The following DPP4 variants were observed in gnomAD, a reference collection of about 807,000 sequenced individuals.
DPP4 encodes the protein dipeptidyl peptidase 4, also known as ADCP-2.
A neutral mutation model predicts 122.4 loss-of-function variants in DPP4; 93 were observed. The observed-to-expected ratio is 0.76, with a 90% CI of 0.64 to 0.90. The LOEUF (loss-of-function observed/expected upper bound fraction) is 0.90, where lower values mean the gene tolerates loss of function less well. DPP4 is among the 40% of genes least tolerant of loss of function. DPP4 has a pLI of 0.00. For synonymous variants in DPP4, 321 were observed against 302.9 expected, an observed-to-expected ratio of 1.06 and a Z score of -0.62; for missense variants, 914 against 907.3, an observed-to-expected ratio of 1.01 and a Z score of -0.09.
At chr2:162,023,352 A>T (rs982120112) in intron 11 of DPP4, among the ~76,000 whole-genome samples, 3 of 152,130 alleles carry the variant, frequency 2.0e-5, no homozygotes, top group African/African-American at 7.2e-5. Flanking sequence ...GGCCTGTCCC[A>T]TTGTGATAGT....
Position 161,992,368 on chromosome 2 carries a change from T to A in DPP4, c.*915A>T, listed in dbSNP as rs1700885953. 1 of 152,524 alleles carries A rather than the reference T, an allele frequency of 6.6e-6. No homozygotes were observed. The allele number at this position is 152,524 out of a possible 1,614,324, so 9.4% of individuals were successfully genotyped here. On this transcript the variant is annotated 3_prime_UTR_variant, in exon 26 of 26. Coordinates refer to ENST00000360534, the MANE Select transcript of DPP4 (RefSeq NM_001935.4). ...TTTTTTAAAATGAGTCCAAGGAAGT[T>A]AAAATATTCTTTTAATTAAGACACT... is the stretch of plus-strand genomic sequence containing the variant.
At chr2:162,062,268 C>T (rs1257856827) in intron 2 of DPP4, among the ~76,000 whole-genome samples, 3 of 152,100 alleles carry the variant, frequency 2.0e-5, no homozygotes, top group Non-Finnish European at 4.4e-5. Flanking sequence ...AGCGACAGAG[C>T]AAGACTCCAT....
In DPP4 at chr2:162,011,858, C is replaced by T. The variant is rs558709294; in HGVS notation, c.1767G>A (p.Lys589=). ...GTCTTCTGTTGATTGCATGCATGAT[C>T]TTATCTCCTTGGTAACCACTTCCTC... ...DGRGSGYQGD[K]IMHAINRRLG... is the part of the protein sequence containing the mutation. The change falls in exon 20 of 26, where the codon AAG becomes AAA. Residue 589 remains lysine (K), a synonymous_variant. Transcript: ENST00000360534. 6.2e-7 allele frequency: 1 copy of T among 1,613,688 alleles called. No homozygotes were observed. The highest frequency in any genetic ancestry group is 1.3e-5 in the African/African-American group (1 of 75,002).
chr2:161,995,354 T>C lies in DPP4; in HGVS notation c.2071A>G (p.Arg691Gly). ...TCAACTTGTTTAAAATTTTCAGCTC[T>C]GCTCATGACTGTTGAATTCTGGAAT... is the stretch of plus-strand genomic sequence containing the variant. ...DHYRNSTVMSRAENFKQVEYL... is the reference protein window; with the variant it reads ...DHYRNSTVMSGAENFKQVEYL... Residue 691 changes from arginine to glycine, a missense_variant, in exon 24 of 26, where the codon AGA becomes GGA. Coordinates refer to ENST00000360534, the MANE Select transcript of DPP4 (RefSeq NM_001935.4). 6.2e-7 allele frequency: 1 copy of C among 1,613,926 alleles called. No homozygotes were observed. The highest frequency in any genetic ancestry group is 8.5e-7 in the Non-Finnish European group (1 of 1,179,812).
chr2:161,995,265 T>C, intron 24 of DPP4, 35 bp downstream of exon 24: 1 of 1,585,712 alleles, frequency 6.3e-7, no homozygotes, highest in Non-Finnish European at 8.7e-7. Flanking sequence ...CAAACCTGTC[T>C]GTGATACTAA....
intron 5 of DPP4, 57 bp downstream of exon 5, chr2:162,045,475 T>C (rs1028434712): frequency 9.8e-6 from 13 of 1,324,466 alleles, no homozygotes; most frequent in Non-Finnish European, 1.2e-5. Context: ...AAATCGGTTA[T>C]AACATAGCAT....
intron 16 of DPP4, chr2:162,017,598 C>G (rs1479292755): frequency 6.3e-6 from 1 of 159,056 alleles, no homozygotes; most frequent in African/African-American, 2.4e-5. Flanking sequence ...CCCCGCTGCC[C>G]CCACTCCCAT....
At chr2:162,028,869 C>G (rs1008772151) in intron 10 of DPP4, among the ~76,000 whole-genome samples, 1 of 152,190 alleles carries the variant, frequency 6.6e-6, no homozygotes, top group African/African-American at 2.4e-5. Flanking sequence ...TGCCCACTAT[C>G]GCCCAACTGG....
intron 2 of DPP4, among the ~76,000 whole-genome samples, chr2:162,063,550 G>A (rs901926368): frequency 3.3e-5 from 5 of 151,978 alleles, no homozygotes; most frequent in Admixed American, 1.3e-4. Flanking sequence ...AACCAGGAGA[G>A]AGTGAGAGCC....
chr2:162,026,090 G>A (rs1169792527), intron 10 of DPP4, among the ~76,000 whole-genome samples: 1 of 152,122 alleles, frequency 6.6e-6, no homozygotes, highest in African/African-American at 2.4e-5. Flanking sequence ...CATACTGAAG[G>A]ACCATAGCTT....
chr2:162,046,598 G>A, intron 4 of DPP4: 1 of 449,494 alleles, frequency 2.2e-6, no homozygotes. Flanking sequence ...AGTCAAGCCA[G>A]AGAGGAGGGC....
intron 5 of DPP4, among the ~76,000 whole-genome samples, chr2:162,042,174 A>C (rs920855977): frequency 6.6e-6 from 1 of 152,212 alleles, no homozygotes; most frequent in African/African-American, 2.4e-5. Flanking sequence ...AACATGAAGC[A>C]AGTTTCTTTC....
At chr2:162,017,083 T>C (rs1348721916) in intron 17 of DPP4, 25 bp downstream of exon 17, 3 of 1,605,740 alleles carry the variant, frequency 1.9e-6, no homozygotes. Flanking sequence ...TAGAAACAAA[T>C]GAAGAGTAAA....
rs1451977206 is a variant in DPP4, at chr2:162,001,066, C to T, written c.2052+4679G>A. On this transcript the variant is annotated intron_variant, in intron 23 of 25. Transcript: ENST00000360534. ...ACCTATTGAGAGCATCATGCTCGTC[C>T]TCCCCATCTTCCGAAATCTTTCTCT... Among the ~76,000 whole-genome samples, 3 of 152,194 alleles carry T rather than the reference C, an allele frequency of 2.0e-5. No homozygotes were observed. In the East Asian group the frequency reaches 5.8e-4, roughly 29 times the overall value.
Position 162,073,235 on chromosome 2 carries a change from A to C in DPP4, c.94+164T>G, listed in dbSNP as rs755692389. The stretch of plus-strand genomic sequence containing the variant: ...ACTGAAGACCCCGCGAAGTGAATCC[A>C]GCTGCTGCTCTACAAGCAGCAACAA... On this transcript the variant is annotated intron_variant, in intron 2 of 25. Transcript: ENST00000360534. The C allele has an allele frequency of 1.7e-4, 109 of 636,564 alleles. 1 individual carries two copies. Among genetic ancestry groups the C allele is most frequent in the Middle Eastern group, 8.5e-4 (2 of 2,342 alleles). The allele number at this position is 636,564 out of a possible 1,614,324, so 39.4% of individuals were successfully genotyped here.
chr2:162,025,778 T>C (rs1209626771), intron 10 of DPP4, among the ~76,000 whole-genome samples: 1 of 152,190 alleles, frequency 6.6e-6, no homozygotes, highest in Non-Finnish European at 1.5e-5. Flanking sequence ...CTCTCGAGTG[T>C]CTGATTGCAG....
chr2:162,015,739 C>T (rs774533846), intron 18 of DPP4, among the ~76,000 whole-genome samples: 32 of 152,248 alleles, frequency 2.1e-4, no homozygotes, highest in Middle Eastern at 3.4e-3. Context: ...ACTAATGTGG[C>T]TTCCGTGACC....
At chr2:162,011,677 G>T in intron 20 of DPP4, 116 bp downstream of exon 20, 1 of 1,019,354 alleles carries the variant, frequency 9.8e-7, no homozygotes. Context: ...AAGGATAAAA[G>T]ATTACAAATT....
At chr2:162,068,863 G>A (rs1685029445) in intron 2 of DPP4, among the ~76,000 whole-genome samples, 1 of 152,130 alleles carries the variant, frequency 6.6e-6, no homozygotes, top group Admixed American at 6.5e-5. Context: ...TAGAAGTCAT[G>A]AAATTATAAT....
Sources: allele counts gnomAD v4.1 joint callset (sites outside exome capture counted in the v4.1 genomes callset), GRCh38; gene constraint gnomAD v4.1.1; transcripts MANE v1.5; gene names NCBI Gene and HGNC (gene_info 2026-07-23, HGNC 2026-07-21).